The following LPP variants were observed in gnomAD, a reference collection of about 807,000 sequenced individuals.
LPP encodes the protein LIM domain containing preferred translocation partner in lipoma.
A neutral mutation model predicts 60.4 loss-of-function variants in LPP; 38 were observed. That is an observed-to-expected ratio of 0.63 (90% CI 0.49 to 0.83). LPP has a LOEUF of 0.83. LPP is among the 40% of genes least tolerant of loss of function. LPP has a pLI of 0.00. For missense variants in LPP, 902 were observed against 783.6 expected (o/e 1.15, Z -1.80); for synonymous variants, 328 against 290.8 (o/e 1.13, Z -1.30).
At chr3:188,266,552 CAGAGAGAG>C (rs111754646) in intron 2 of LPP, among the ~76,000 whole-genome samples, 1 of 147,660 alleles carries the variant, frequency 6.8e-6, no homozygotes, top group African/African-American at 2.5e-5. Context: ...ACGGGGAAGA[CAGAGAGAG>C]AGAGAGAGAG....
At chr3:188,318,027 G>A (rs985165911) in intron 2 of LPP, among the ~76,000 whole-genome samples, 17 of 152,152 alleles carry the variant, frequency 1.1e-4, no homozygotes, top group African/African-American at 3.9e-4. Context: ...AGGCTCTAGG[G>A]AAAACAGCAT....
intron 2 of LPP, among the ~76,000 whole-genome samples, chr3:188,242,053 G>T (rs187992466): frequency 6.6e-6 from 1 of 152,088 alleles, no homozygotes; most frequent in African/African-American, 2.4e-5. Context: ...CTTTTTTTGG[G>T]CTAATAGGTG....
chr3:188,400,957 C>T (rs535707501), intron 3 of LPP, among the ~76,000 whole-genome samples: 1 of 152,208 alleles, frequency 6.6e-6, no homozygotes, highest in African/African-American at 2.4e-5. Context: ...TTTCATCAAA[C>T]CCATTTATCA....
intron 2 of LPP, among the ~76,000 whole-genome samples, chr3:188,240,482 A>G (rs146034678): frequency 2.0e-5 from 3 of 152,204 alleles, no homozygotes; most frequent in East Asian, 1.9e-4. Flanking sequence ...CTGAGTTGGA[A>G]GGAAGTCTTA....
At chr3:188,829,106 C>A (rs1366351865) in intron 9 of LPP, among the ~76,000 whole-genome samples, 1 of 152,114 alleles carries the variant, frequency 6.6e-6, no homozygotes. Flanking sequence ...GAATGAGAAA[C>A]AAATGGGATA....
chr3:188,266,032 CCTT>C lies in LPP; in HGVS notation c.-67+40508_-67+40510del, dbSNP rs540563743. On this transcript the variant is annotated intron_variant, in intron 2 of 11. Coordinates refer to ENST00000617246, the MANE Select transcript of LPP (RefSeq NM_001375462.1). ...TTCTCTGTTGCTGCCTGGTTCTGCT[CCTT>C]CTCATGCTTCTGTAACAAAGTGCGG... is the stretch of plus-strand genomic sequence containing the variant. Among the ~76,000 whole-genome samples, 28 of 152,220 alleles carry C rather than the reference CCTT, an allele frequency of 1.8e-4. No individual in the cohort carries two copies. The East Asian group carries it at 4.8e-3, about 26-fold the overall frequency.
chr3:188,755,144 C>A (rs1729715982), intron 8 of LPP, among the ~76,000 whole-genome samples: 1 of 152,170 alleles, frequency 6.6e-6, no homozygotes, highest in African/African-American at 2.4e-5. Context: ...AGCTTCAGTT[C>A]ATTATCATAT....
Position 188,751,537 on chromosome 3 carries a change from T to C in LPP, c.1241-8576T>C, listed in dbSNP as rs528447891. ...ACTACTGTTTCTGTCAGGAATGTTC[T>C]GTGATTTAATCAAGTTTCCTGCCTG... On this transcript the variant is annotated intron_variant, in intron 8 of 11. Coordinates refer to ENST00000617246, the MANE Select transcript of LPP (RefSeq NM_001375462.1). Among the ~76,000 whole-genome samples, 169 of 152,354 alleles carry C rather than the reference T, an allele frequency of 1.1e-3. 1 individual carries two copies. The highest frequency in any genetic ancestry group is 3.8e-3 in the African/African-American group (157 of 41,586).
chr3:188,179,035 A>G, intron 1 of LPP: 1 of 254,112 alleles, frequency 3.9e-6, no homozygotes, highest in Non-Finnish European at 7.6e-6. Flanking sequence ...GGAGGGAGAG[A>G]GACAGAGAGA....
At chr3:188,657,702 C>T in intron 7 of LPP, among the ~76,000 whole-genome samples, 1 of 152,174 alleles carries the variant, frequency 6.6e-6, no homozygotes. Flanking sequence ...AGCTAGTCCC[C>T]AAGCACACTA....
rs1553827496 is a variant in LPP at position 188,240,376 on chromosome 3, T to TGA, written c.-67+14858_-67+14859dup. Among the ~76,000 whole-genome samples the TGA allele has an allele frequency of 2.9e-3, 411 of 143,298 alleles. 3 individuals are homozygous for TGA. Among genetic ancestry groups the TGA allele is most frequent in the African/African-American group, 7.3e-3 (268 of 36,924 alleles). The allele number at this position is 143,298 out of a possible 152,430, so 94.0% of individuals were successfully genotyped here. The stretch of plus-strand genomic sequence containing the variant: ...GTGTGTGTGTGTGTGTGTGTGTGTG[T>TGA]GAGAGAGAGACAGAGAGAGAAAGAG... On this transcript the variant is annotated intron_variant, in intron 2 of 11. Coordinates refer to ENST00000617246, the MANE Select transcript of LPP (RefSeq NM_001375462.1).
At chr3:188,846,284 G>A (rs1761369258) in intron 9 of LPP, among the ~76,000 whole-genome samples, 1 of 152,178 alleles carries the variant, frequency 6.6e-6, no homozygotes, top group Admixed American at 6.5e-5. Context: ...ATTCAGGGAA[G>A]GCTTTGGAGA....
chr3:188,759,166 C>G (rs1275279843), intron 8 of LPP: 1 of 152,202 alleles, frequency 6.6e-6, no homozygotes, highest in Non-Finnish European at 1.5e-5. Context: ...CATAATGCCT[C>G]TCACTGACAT....
intron 7 of LPP, among the ~76,000 whole-genome samples, chr3:188,667,344 G>C (rs924463025): frequency 2.6e-5 from 4 of 151,944 alleles, no homozygotes; most frequent in Admixed American, 6.6e-5. Context: ...CGGGCGTGGT[G>C]GTGGGCGCCT....
In LPP at chr3:188,881,902, TG is replaced by T; in HGVS notation, c.*7424del. The stretch of plus-strand genomic sequence containing the variant: ...TTGATTTCGAGATTCATTCATTCTG[TG>T]CTCAAATATTTGTACCTAGAGACGT... On this transcript the variant is annotated 3_prime_UTR_variant, in exon 12 of 12. Transcript: ENST00000617246. The T allele has an allele frequency of 4.6e-6, 1 of 217,380 alleles. No homozygotes were observed. 13.5% of individuals were successfully genotyped at this position (217,380 alleles called of 1,614,324 possible).
At chr3:188,276,764 G>C (rs13066590) in intron 2 of LPP, among the ~76,000 whole-genome samples, 88,423 of 150,296 alleles carry the variant, frequency 0.59, 26,827 homozygotes, top group African/African-American at 0.74. Context: ...TGAAGTGCCT[G>C]CTCCCTTTTG....
chr3:188,713,139 T>C (rs996776032), intron 8 of LPP, among the ~76,000 whole-genome samples: 8 of 152,132 alleles, frequency 5.3e-5, no homozygotes, highest in Non-Finnish European at 1.0e-4. Flanking sequence ...TCCTCAATAA[T>C]GGGACAGACT....
intron 7 of LPP, among the ~76,000 whole-genome samples, chr3:188,665,175 GAAATTGAATGTTGGTA>G (rs1855490188): frequency 1.3e-5 from 2 of 152,128 alleles, no homozygotes; most frequent in African/African-American, 4.8e-5. Context: ...TCATTATAAT[GAAATTGAATGTTGGTA>G]AATATTTTTG....
intron 7 of LPP, among the ~76,000 whole-genome samples, chr3:188,632,849 C>G (rs538606701): frequency 2.6e-5 from 4 of 152,112 alleles, no homozygotes; most frequent in Non-Finnish European, 4.4e-5. Flanking sequence ...CTCTACCCCA[C>G]GTTCGTTTTC....
Sources: allele counts gnomAD v4.1 joint callset (sites outside exome capture counted in the v4.1 genomes callset), GRCh38; gene constraint gnomAD v4.1.1; transcripts MANE v1.5; gene names NCBI Gene and HGNC (gene_info 2026-07-23, HGNC 2026-07-21).